TRPV4: variants seen among roughly 807,000 people sequenced by gnomAD.
The protein encoded by TRPV4 is transient receptor potential cation channel subfamily V member 4.
Under a neutral mutation model 84.1 loss-of-function variants are expected in TRPV4, and 58 were observed. The ratio of observed to expected loss-of-function variants is 0.69; its 90% confidence interval spans 0.56 to 0.86. TRPV4 has a LOEUF of 0.86. Among genes scored for constraint, TRPV4 ranks in the 40% least tolerant of loss-of-function variants. The pLI, the probability that TRPV4 is intolerant of heterozygous loss-of-function variation, is 0.00. For missense variants in TRPV4, 879 were observed against 1,181.1 expected, an observed-to-expected ratio of 0.74 and a Z score of 3.75; for synonymous variants, 489 against 500.9, an observed-to-expected ratio of 0.98 and a Z score of 0.32.
chr12:109,785,654 G>A (rs1889640868), intron 14 of TRPV4, among the ~76,000 whole-genome samples: 1 of 151,592 alleles, frequency 6.6e-6, no homozygotes, highest in Admixed American at 6.6e-5. Context: ...CCTGACCTCA[G>A]GTGATCCACC....
At position 109,796,334 on chromosome 12, in the gene TRPV4, G is replaced by T. The variant is rs1890395877; in HGVS notation, c.1332+191C>A. ...AAAAGTCCATCTTCCCACAAGTCTT[G>T]CTCATTTCCTCACATGGCAGACACT... On this transcript the variant is annotated intron_variant, in intron 7 of 15. Transcript: ENST00000261740. This position sits in a 1 kb window ranked among gnomAD's most constrained non-coding sequence, Gnocchi z 4.2. 6.6e-6 allele frequency among the ~76,000 whole-genome samples: 1 copy of T among 152,116 alleles called. No homozygotes were observed. Among genetic ancestry groups the T allele is most frequent in the Admixed American group, 6.5e-5 (1 of 15,268 alleles).
chr12:109,808,871 A>C (rs971240188), intron 2 of TRPV4, among the ~76,000 whole-genome samples: 6 of 150,166 alleles, frequency 4.0e-5, no homozygotes, highest in African/African-American at 1.5e-4. Context: ...CCATCCACCC[A>C]TCTATCCATC....
intron 1 of TRPV4, 94 bp downstream of exon 1, chr12:109,833,256 G>A (rs1359092195): frequency 6.6e-6 from 1 of 152,276 alleles, no homozygotes; most frequent in Non-Finnish European, 1.5e-5. Flanking sequence ...TGGAGCCTCG[G>A]GACCCCCCGG....
chr12:109,790,634 C>T (rs1200323593), intron 12 of TRPV4, among the ~76,000 whole-genome samples: 1 of 151,990 alleles, frequency 6.6e-6, no homozygotes, highest in African/African-American at 2.4e-5. Flanking sequence ...TATAATCCTG[C>T]ACTTTGGGAG....
chr12:109,799,153 C>CTT (rs1038182364), intron 5 of TRPV4, among the ~76,000 whole-genome samples: 1 of 137,906 alleles, frequency 7.3e-6, no homozygotes. Context: ...TGATGGAATT[C>CTT]TTTTTTTTTT....
intron 14 of TRPV4, among the ~76,000 whole-genome samples, chr12:109,784,852 A>AAG (rs1889584806): frequency 8.4e-6 from 1 of 118,736 alleles, no homozygotes; most frequent in African/African-American, 3.3e-5. Context: ...AAAAAAAAAA[A>AAG]AAAAAGACGT....
intron 5 of TRPV4, among the ~76,000 whole-genome samples, chr12:109,800,087 C>T (rs543095837): frequency 6.6e-6 from 1 of 152,116 alleles, no homozygotes; most frequent in Admixed American, 6.6e-5. Flanking sequence ...GGATTACAGG[C>T]ACCCACCACC....
Position 109,815,976 on chromosome 12 carries a change from G to A in TRPV4, c.-31-1149C>T, listed in dbSNP as rs76633053. ...TCAGTGCCCTGCTCTCTGTAGCATG[G>A]TGCCAGCCAGGCAGGGCTGGGCACC... On this transcript the variant is annotated intron_variant, in intron 1 of 15. Transcript: ENST00000261740. The surrounding 1 kb of genome is among the most constrained non-coding windows in gnomAD (Gnocchi z 4.1). Among the ~76,000 whole-genome samples, 5,401 of 152,322 alleles carry A rather than the reference G, an allele frequency of 0.035. 106 individuals are homozygous for A. Among genetic ancestry groups the A allele is most frequent in the Middle Eastern group, 0.068 (20 of 294 alleles).
At chr12:109,784,820 G>T (rs10850735) in intron 14 of TRPV4, among the ~76,000 whole-genome samples, 2 of 127,666 alleles carry the variant, frequency 1.6e-5, no homozygotes, top group Admixed American at 1.6e-4. Context: ...CAACCTGGGG[G>T]ACAAAGCAAG....
In TRPV4 at chr12:109,796,431, G is replaced by C. The variant is rs1164155927; in HGVS notation, c.1332+94C>G. On this transcript the variant is annotated intron_variant, in intron 7 of 15. Coordinates refer to ENST00000261740, the MANE Select transcript of TRPV4 (RefSeq NM_021625.5). The surrounding 1 kb of genome is among the most constrained non-coding windows in gnomAD (Gnocchi z 4.2). Reference sequence around the variant, plus strand: ...CCCACCACGTTGGGTCCTAGAGGCTGGGGCTGTCTCCCCCAGCCCAGCCCC... The same window carrying C: ...CCCACCACGTTGGGTCCTAGAGGCTCGGGCTGTCTCCCCCAGCCCAGCCCC... The C allele has an allele frequency of 3.4e-6, 5 of 1,470,382 alleles. No individual in the cohort carries two copies. The highest frequency in any genetic ancestry group is 4.7e-6 in the Non-Finnish European group (5 of 1,067,440). The allele number at this position is 1,470,382 out of a possible 1,614,324, so 91.1% of individuals were successfully genotyped here.
intron 1 of TRPV4, among the ~76,000 whole-genome samples, chr12:109,817,315 G>A (rs757017996): frequency 4.6e-5 from 7 of 152,118 alleles, no homozygotes; most frequent in Non-Finnish European, 8.8e-5. Context: ...CGAGGCATCA[G>A]GCGCACCCTC....
At chr12:109,826,195 T>C (rs1892247015) in intron 1 of TRPV4, among the ~76,000 whole-genome samples, 2 of 152,142 alleles carry the variant, frequency 1.3e-5, no homozygotes, top group African/African-American at 4.8e-5. Flanking sequence ...ACTTTTAAAA[T>C]TTATTTTTTG....
chr12:109,811,555 G>A (rs529325817), intron 2 of TRPV4, among the ~76,000 whole-genome samples: 1 of 152,214 alleles, frequency 6.6e-6, no homozygotes, highest in South Asian at 2.1e-4. Context: ...CTACCCAGGA[G>A]GCTGAGGCTG....
intron 1 of TRPV4, among the ~76,000 whole-genome samples, chr12:109,831,077 C>T (rs1328637976): frequency 6.6e-6 from 1 of 152,200 alleles, no homozygotes; most frequent in East Asian, 1.9e-4. Context: ...GGCAGGACTT[C>T]TGGGCCTCTG....
At chr12:109,829,586 G>A (rs1892355549) in intron 1 of TRPV4, among the ~76,000 whole-genome samples, 1 of 152,234 alleles carries the variant, frequency 6.6e-6, no homozygotes, top group Non-Finnish European at 1.5e-5. Flanking sequence ...AAGAAAACAT[G>A]CCCTGGAATG....
In TRPV4 at chr12:109,783,726, G is replaced by T; in HGVS notation, c.2511C>A (p.Asn837Lys). The part of the protein sequence containing the change: ...PRVVELNKNS[N>K]PDEVVVPLDS... ...CCAGAGGCACCACCACCTCGTCCGG[G>T]TTCGAGTTCTTGTTCAGTTCCACCA... is the stretch of plus-strand genomic sequence containing the variant. Residue 837 changes from asparagine (N) to lysine (K), a missense_variant, in exon 16 of 16, where the codon AAC (asparagine) becomes AAA (lysine). By Grantham distance (94) the Asn-to-Lys change is moderately conservative. Coordinates refer to ENST00000261740, the MANE Select transcript of TRPV4 (RefSeq NM_021625.5). The surrounding 1 kb of genome is among the most constrained non-coding windows in gnomAD (Gnocchi z 4.6). The T allele has an allele frequency of 6.2e-7, 1 of 1,613,736 alleles. No homozygotes were observed.
chr12:109,788,826 A>C (rs1889862682), intron 12 of TRPV4, 110 bp from the exon 13 acceptor site: 32 of 1,253,142 alleles, frequency 2.6e-5, no homozygotes, highest in Non-Finnish European at 3.3e-5. Context: ...TGAGCGGAGC[A>C]CGCTGGCCCA....
At chr12:109,827,066 G>C (rs1226487564) in intron 1 of TRPV4, among the ~76,000 whole-genome samples, 1 of 152,234 alleles carries the variant, frequency 6.6e-6, no homozygotes, top group Non-Finnish European at 1.5e-5. Context: ...AGGAGTGAAA[G>C]ACGGGCTTAG....
At position 109,783,391 on chromosome 12, in the gene TRPV4, C is replaced by T. The variant is rs181542514; in HGVS notation, c.*230G>A. On this transcript the variant is annotated 3_prime_UTR_variant, in exon 16 of 16. Transcript: ENST00000261740. This position sits in a 1 kb window ranked among gnomAD's most constrained non-coding sequence, Gnocchi z 4.6. ...GGGGCCTGAGGTGGAGGGGCTCTGG[C>T]GTTGGCTTATGTGACTCCATAGGAG... The T allele has an allele frequency of 6.5e-4, 345 of 530,902 alleles. 3 individuals are homozygous for T. Among genetic ancestry groups the T allele is most frequent in the African/African-American group, 6.3e-3 (326 of 52,156 alleles). 32.9% of individuals were successfully genotyped at this position (530,902 alleles called of 1,614,324 possible).
Sources: allele counts gnomAD v4.1 joint callset (sites outside exome capture counted in the v4.1 genomes callset), GRCh38; gene constraint gnomAD v4.1.1; non-coding constraint Gnocchi (gnomAD v3.1); transcripts MANE v1.5; gene names NCBI Gene and HGNC (gene_info 2026-07-23, HGNC 2026-07-21).